Variants in SDK2 observed in about 807,000 individuals in gnomAD.
SDK2 encodes the protein sidekick cell adhesion molecule 2, also known as protein sidekick-2.
A neutral mutation model predicts 253.9 loss-of-function variants in SDK2; 105 were observed. The ratio of observed to expected loss-of-function variants is 0.41; its 90% CI spans 0.35 to 0.49. The LOEUF (loss-of-function observed/expected upper bound fraction) is 0.49, where lower values mean the gene tolerates loss of function less well. Ranked by LOEUF, SDK2 falls within the 20% of genes least tolerant of loss-of-function variation. SDK2 has a pLI of 0.06. For missense variants in SDK2, 2,608 were observed against 3,003.0 expected (o/e 0.87, Z 3.07); for synonymous variants, 1,249 against 1,234.9 (o/e 1.01, Z -0.24).
At chr17:73,623,789 A>G (rs1422926082) in intron 1 of SDK2, among the ~76,000 whole-genome samples, 1 of 152,028 alleles carries the variant, frequency 6.6e-6, no homozygotes, top group Non-Finnish European at 1.5e-5. Flanking sequence ...CGTTTCCCGG[A>G]TGTGAAACAG....
At chr17:73,392,666 T>C (rs1322865199) in intron 27 of SDK2, among the ~76,000 whole-genome samples, 1 of 152,144 alleles carries the variant, frequency 6.6e-6, no homozygotes, top group East Asian at 1.9e-4. Context: ...ATTAGCTTGA[T>C]GAATAATGTT....
At chr17:73,375,650 G>A (rs1161947573) in intron 36 of SDK2, among the ~76,000 whole-genome samples, 1 of 152,176 alleles carries the variant, frequency 6.6e-6, no homozygotes, top group African/African-American at 2.4e-5. Flanking sequence ...GGGGTCAGGA[G>A]CTCGAGACAA....
intron 36 of SDK2, among the ~76,000 whole-genome samples, chr17:73,374,881 G>T (rs981937760): frequency 6.6e-6 from 1 of 152,146 alleles, no homozygotes; most frequent in African/African-American, 2.4e-5. Flanking sequence ...GGATAGTTCA[G>T]ATGCCTCCCC....
chr17:73,353,133 T>C (rs1322233684), intron 40 of SDK2, among the ~76,000 whole-genome samples: 1 of 152,160 alleles, frequency 6.6e-6, no homozygotes, highest in Non-Finnish European at 1.5e-5. Context: ...TTATTCTTTT[T>C]ATTAAAATAT....
At chr17:73,522,675 G>A (rs897250158) in intron 1 of SDK2, among the ~76,000 whole-genome samples, 4 of 152,184 alleles carry the variant, frequency 2.6e-5, no homozygotes, top group Non-Finnish European at 1.5e-5. Context: ...CTCGCTCAAT[G>A]TCATGTCCTC....
At chr17:73,413,061 T>A (rs1447480370) in intron 18 of SDK2, among the ~76,000 whole-genome samples, 1 of 152,156 alleles carries the variant, frequency 6.6e-6, no homozygotes, top group Non-Finnish European at 1.5e-5. Flanking sequence ...GTCTGTGGTC[T>A]GTTAGGAACC....
In SDK2 at chr17:73,393,678, A is replaced by C. The variant is rs764665369; in HGVS notation, c.3780T>G (p.Ser1260Arg). ...FWLVEGNSSR[S>R]AQLTGLGKYV... is the part of the protein sequence containing the mutation. ...ATTTGCCCAAGCCGGTGAGCTGGGC[A>C]CTGCGAGACGAGTTGCCTTCCACCA... Residue 1260 changes from serine to arginine, a missense_variant, in exon 27 of 45, where the codon AGT (serine) becomes AGG (arginine). Ser to Arg is a moderately radical substitution (Grantham distance 110). Coordinates refer to ENST00000392650, the MANE Select transcript of SDK2 (RefSeq NM_001144952.2). 3 of 1,597,770 alleles carry C rather than the reference A, an allele frequency of 1.9e-6. No homozygotes were observed. The African/African-American group carries it at 4.0e-5, about 21-fold the overall frequency.
At position 73,472,197 on chromosome 17, in the gene SDK2, G is replaced by A; in HGVS notation, c.246C>T (p.Asp82=). ...LEYRYMITSL[D]RTHAGFYRCI... ...AACGGTAAAAGCCAGCGTGGGTGCG[G>A]TCCAGGCTGGTGATCATGTATCTAT... Residue 82 remains aspartate (D), a synonymous_variant, in exon 3 of 45, where the codon GAC becomes GAT. Transcript: ENST00000392650. 6.4e-7 allele frequency: 1 copy of A among 1,551,578 alleles called. No individual in the cohort carries two copies. The highest frequency in any genetic ancestry group is 1.2e-5 in the South Asian group (1 of 84,056).
At position 73,352,752 on chromosome 17, in the gene SDK2, C is replaced by A; in HGVS notation, c.5594-115G>T. ...CTGGGCCTGTTGGATCCTCCCTGCT[C>A]CACACTGAATCGCAGGCCTTGGTCC... On this transcript the variant is annotated intron_variant, in intron 40 of 44. Transcript: ENST00000392650. This position sits in a 1 kb window ranked among gnomAD's most constrained non-coding sequence, Gnocchi z 4.1. 9.4e-7 allele frequency: 1 copy of A among 1,067,684 alleles called. No homozygotes were observed. Among genetic ancestry groups the A allele is most frequent in the Non-Finnish European group, 1.4e-6 (1 of 731,196 alleles). The allele number at this position is 1,067,684 out of a possible 1,614,324, so 66.1% of individuals were successfully genotyped here. A position where few individuals can be genotyped will look rare whatever the true frequency, so the allele number is the denominator to read the frequency against.
At chr17:73,478,744 T>C (rs1285577796) in intron 2 of SDK2, among the ~76,000 whole-genome samples, 1 of 152,230 alleles carries the variant, frequency 6.6e-6, no homozygotes, top group Non-Finnish European at 1.5e-5. Context: ...AGTTGATATT[T>C]AAAATGATTC....
chr17:73,470,460 C>G (rs1319805678), intron 3 of SDK2, among the ~76,000 whole-genome samples: 1 of 152,230 alleles, frequency 6.6e-6, no homozygotes, highest in African/African-American at 2.4e-5. Context: ...TGCAGTCTCT[C>G]TAGAGGCCCA....
intron 1 of SDK2, among the ~76,000 whole-genome samples, chr17:73,631,683 C>T (rs1186369670): frequency 6.6e-6 from 1 of 152,240 alleles, no homozygotes; most frequent in Non-Finnish European, 1.5e-5. Flanking sequence ...TAATCAAGAA[C>T]ATTTCCTTAG....
chr17:73,430,691 G>A, intron 11 of SDK2, 78 bp from the exon 12 acceptor site: 4 of 950,046 alleles, frequency 4.2e-6, no homozygotes, highest in Non-Finnish European at 6.0e-6. Context: ...GATACCATAT[G>A]AAAGCCCCCA....
At chr17:73,501,540 G>A (rs556672425) in intron 2 of SDK2, among the ~76,000 whole-genome samples, 6 of 152,344 alleles carry the variant, frequency 3.9e-5, no homozygotes, top group African/African-American at 1.4e-4. Context: ...AGCTCTTAGA[G>A]CCACCTCATT....
rs1368963568 is a variant in SDK2, at chr17:73,472,100, C to T, written c.331+12G>A. The T allele has an allele frequency of 7.1e-6, 11 of 1,545,342 alleles. No homozygotes were observed. The highest frequency in any genetic ancestry group is 8.8e-6 in the Non-Finnish European group (10 of 1,141,720). On this transcript the variant is annotated intron_variant, in intron 3 of 44. Transcript: ENST00000392650. Reference sequence around the variant, plus strand: ...GTCGCCCCCCCTGCCCCTGGGTCCCCATTGTACTCACAGGCCACCTGGACC... The same window carrying T: ...GTCGCCCCCCCTGCCCCTGGGTCCCTATTGTACTCACAGGCCACCTGGACC...
At chr17:73,497,900 G>A (rs931327990) in intron 2 of SDK2, among the ~76,000 whole-genome samples, 1 of 152,144 alleles carries the variant, frequency 6.6e-6, no homozygotes, top group African/African-American at 2.4e-5. Context: ...TGGCCACGTG[G>A]ACCTTCTTTC....
intron 32 of SDK2, among the ~76,000 whole-genome samples, chr17:73,384,995 G>A (rs947427992): frequency 1.3e-5 from 2 of 152,148 alleles, no homozygotes; most frequent in Non-Finnish European, 2.9e-5. Flanking sequence ...CTACGGGAGC[G>A]TCCTCTCCTT....
At chr17:73,445,895 G>C (rs538941125) in intron 5 of SDK2, among the ~76,000 whole-genome samples, 9 of 152,322 alleles carry the variant, frequency 5.9e-5, no homozygotes, top group African/African-American at 1.9e-4. Context: ...GACTAGGCAG[G>C]GCTTGGGTGG....
intron 4 of SDK2, among the ~76,000 whole-genome samples, chr17:73,449,602 CTTTTT>C (rs33923010): frequency 5.8e-4 from 55 of 94,334 alleles, no homozygotes; most frequent in East Asian, 1.6e-3. Flanking sequence ...CCCCCCACCT[CTTTTT>C]TTTTTTTTTT....
Sources: allele counts gnomAD v4.1 joint callset (sites outside exome capture counted in the v4.1 genomes callset), GRCh38; gene constraint gnomAD v4.1.1; non-coding constraint Gnocchi (gnomAD v3.1); transcripts MANE v1.5; gene names NCBI Gene and HGNC (gene_info 2026-07-23, HGNC 2026-07-21).